Variants in LRP1B observed in about 807,000 individuals in gnomAD.
LRP1B encodes the protein low-density lipoprotein receptor-related protein 1B.
In LRP1B, 217 loss-of-function variants were observed where a neutral mutation model predicts 556.6. That is an observed-to-expected ratio of 0.39 (90% CI 0.35 to 0.44). The LOEUF (loss-of-function observed/expected upper bound fraction) is 0.44, where lower values mean the gene tolerates loss of function less well. Among genes scored for constraint, LRP1B ranks in the 20% least tolerant of loss-of-function variants. LRP1B has a pLI of 1.00. For missense variants in LRP1B, 5,053 were observed against 5,620.8 expected, an observed-to-expected ratio of 0.90 and a Z score of 3.23; for synonymous variants, 2,047 against 1,865.8, an observed-to-expected ratio of 1.10 and a Z score of -2.50.
At chr2:140,965,073 T>C (rs1278001447) in intron 18 of LRP1B, among the ~76,000 whole-genome samples, 2 of 152,182 alleles carry the variant, frequency 1.3e-5, no homozygotes, top group East Asian at 3.9e-4. Flanking sequence ...CACATGAGAA[T>C]CACGTGAACA....
chr2:140,349,500 A>G (rs1044950683), intron 77 of LRP1B, among the ~76,000 whole-genome samples: 1 of 151,788 alleles, frequency 6.6e-6, no homozygotes. Flanking sequence ...ATTAATGTAT[A>G]TTATTTATTA....
At chr2:141,176,485 G>T (rs1244850302) in intron 7 of LRP1B, among the ~76,000 whole-genome samples, 2 of 151,976 alleles carry the variant, frequency 1.3e-5, no homozygotes, top group Admixed American at 1.3e-4. Context: ...ATGTGAAGAA[G>T]GTCACATGAT....
chr2:140,276,851 C>T (rs1682692865), intron 84 of LRP1B, among the ~76,000 whole-genome samples: 1 of 151,828 alleles, frequency 6.6e-6, no homozygotes, highest in Non-Finnish European at 1.5e-5. Context: ...CAGTGCCGTT[C>T]CCTGCCACCC....
At chr2:141,021,447 A>G (rs1057162737) in intron 11 of LRP1B, among the ~76,000 whole-genome samples, 5 of 152,134 alleles carry the variant, frequency 3.3e-5, no homozygotes, top group African/African-American at 1.2e-4. Context: ...AGTAATTTTC[A>G]TAGGTTAATT....
chr2:141,066,834 G>A (rs1473662), intron 7 of LRP1B, among the ~76,000 whole-genome samples: 137,569 of 151,828 alleles, frequency 0.91, 62,815 homozygotes, highest in East Asian at 0.99. Context: ...GGTATTTTAC[G>A]TAACAAGATA....
intron 2 of LRP1B, among the ~76,000 whole-genome samples, chr2:141,631,748 T>C (rs1404744598): frequency 3.3e-5 from 5 of 152,156 alleles, no homozygotes; most frequent in African/African-American, 1.2e-4. Flanking sequence ...GCTCTGCTTA[T>C]TAAAGCAGCT....
At position 141,570,038 on chromosome 2, in the gene LRP1B, A is replaced by G. The variant is rs924734421; in HGVS notation, c.206-89505T>C. Among the ~76,000 whole-genome samples, 9 of 151,072 alleles carry G rather than the reference A, an allele frequency of 6.0e-5. 1 individual carries two copies. The highest frequency in any genetic ancestry group is 4.0e-4 in the Admixed American group (6 of 15,134). On this transcript the variant is annotated intron_variant, in intron 2 of 90. Coordinates refer to ENST00000389484, the MANE Select transcript of LRP1B (RefSeq NM_018557.3). Reference sequence around the variant, plus strand: ...GCTTGAGCCCAAGAGTTTGAAACCAATCAGTGCAATATAGCAAGACCCTGT... The same window carrying G: ...GCTTGAGCCCAAGAGTTTGAAACCAGTCAGTGCAATATAGCAAGACCCTGT...
chr2:140,266,395 C>A (rs1452037952), intron 86 of LRP1B, among the ~76,000 whole-genome samples: 1 of 151,966 alleles, frequency 6.6e-6, no homozygotes, highest in Non-Finnish European at 1.5e-5. Flanking sequence ...GTAAATCTCC[C>A]TCAACTTCTA....
chr2:141,881,494 C>G (rs1208433747), intron 1 of LRP1B, among the ~76,000 whole-genome samples: 2 of 151,982 alleles, frequency 1.3e-5, no homozygotes, highest in Admixed American at 6.6e-5. Context: ...GAATGTTTGC[C>G]TCTGGGGAGT....
chr2:141,799,543 A>C (rs1022117742), intron 2 of LRP1B, among the ~76,000 whole-genome samples: 1 of 151,982 alleles, frequency 6.6e-6, no homozygotes, highest in African/African-American at 2.4e-5. Context: ...TTCAGCCAAG[A>C]CCCTAAATAA....
At chr2:142,038,612 GA>G (rs1163064832) in intron 1 of LRP1B, among the ~76,000 whole-genome samples, 1 of 151,534 alleles carries the variant, frequency 6.6e-6, no homozygotes, top group East Asian at 1.9e-4. Context: ...GTTCTTAGGG[GA>G]AGCCCTTTTA....
intron 1 of LRP1B, among the ~76,000 whole-genome samples, chr2:141,985,878 G>T (rs1461401030): frequency 1.3e-5 from 2 of 151,830 alleles, no homozygotes; most frequent in East Asian, 3.9e-4. Flanking sequence ...TAATAAATTA[G>T]AATTGCTTTT....
In LRP1B at chr2:141,191,928, T is replaced by C. The variant is rs558121982; in HGVS notation, c.851-3345A>G. Among the ~76,000 whole-genome samples, 51 of 152,022 alleles carry C rather than the reference T, an allele frequency of 3.4e-4. No homozygotes were observed. The Middle Eastern group carries it at 0.014, about 41-fold the overall frequency. On this transcript the variant is annotated intron_variant, in intron 6 of 90. Coordinates refer to ENST00000389484, the MANE Select transcript of LRP1B (RefSeq NM_018557.3). ...CATGCAGTTGCTTTAGTTTATACAA[T>C]TGTAATTTCAGACAAAAGAGCTGTT...
chr2:140,275,795 T>C (rs944851572), intron 84 of LRP1B, among the ~76,000 whole-genome samples: 4 of 151,946 alleles, frequency 2.6e-5, no homozygotes, highest in African/African-American at 7.2e-5. Context: ...CCATTTCTCA[T>C]TGAGCGTCAC....
intron 84 of LRP1B, among the ~76,000 whole-genome samples, chr2:140,278,678 G>A (rs540047269): frequency 6.6e-6 from 1 of 151,978 alleles, no homozygotes; most frequent in Admixed American, 6.6e-5. Context: ...GCAAATATTA[G>A]AATTTACACT....
At chr2:141,227,770 A>G (rs933175879) in intron 6 of LRP1B, among the ~76,000 whole-genome samples, 47 of 152,308 alleles carry the variant, frequency 3.1e-4, no homozygotes, top group African/African-American at 9.9e-4. Context: ...CAAACATTAC[A>G]TAGTATTATT....
chr2:141,224,008 G>A (rs1265093671), intron 6 of LRP1B, among the ~76,000 whole-genome samples: 9 of 152,122 alleles, frequency 5.9e-5, no homozygotes, highest in Admixed American at 5.2e-4. Context: ...GAAAACAATT[G>A]CAACAAAAGC....
At chr2:141,216,283 G>A (rs763864889) in intron 6 of LRP1B, among the ~76,000 whole-genome samples, 23 of 152,226 alleles carry the variant, frequency 1.5e-4, no homozygotes, top group Non-Finnish European at 3.4e-4. Flanking sequence ...AACCTTGGCA[G>A]CTTCCATGTG....
chr2:140,868,662 T>C (rs535987826), intron 25 of LRP1B, among the ~76,000 whole-genome samples: 8 of 152,046 alleles, frequency 5.3e-5, no homozygotes, highest in African/African-American at 1.9e-4. Flanking sequence ...ATGTGGGCTA[T>C]TTGAGGAACA....
Sources: gnomAD v4.1 joint callset for allele counts (sites outside exome capture counted in the v4.1 genomes callset) on GRCh38, gnomAD v4.1.1 for gene constraint, MANE v1.5 for transcripts, NCBI Gene and HGNC (gene_info 2026-07-23, HGNC 2026-07-21) for gene names.